RXRA: variants seen among roughly 807,000 people sequenced by gnomAD.
RXRA encodes retinoid X receptor alpha, also known as retinoic acid receptor RXR-alpha.
In RXRA, 5 loss-of-function variants were observed where a neutral mutation model predicts 44.5. That is an observed-to-expected ratio of 0.11 (90% CI 0.06 to 0.24). The LOEUF is 0.24. Ranked by LOEUF, RXRA falls within the 10% of genes least tolerant of loss-of-function variation. The pLI is 1.00. For missense variants in RXRA, 412 were observed against 646.5 expected (o/e 0.64, Z 3.93); for synonymous variants, 291 against 271.4 (o/e 1.07, Z -0.71).
At chr9:134,412,119 C>T (rs1028671733) in intron 4 of RXRA, among the ~76,000 whole-genome samples, 27 of 152,210 alleles carry the variant, frequency 1.8e-4, no homozygotes, top group African/African-American at 6.0e-4. Flanking sequence ...TCCCCGACAG[C>T]GGAGGGCAGG....
chr9:134,397,966 G>A (rs910188325), intron 1 of RXRA, among the ~76,000 whole-genome samples: 9 of 152,264 alleles, frequency 5.9e-5, no homozygotes, highest in South Asian at 2.1e-4. Context: ...CAAGTCCAAA[G>A]TAGGATTTTT....
chr9:134,341,725 T>C (rs1342061652), intron 1 of RXRA, among the ~76,000 whole-genome samples: 1 of 151,996 alleles, frequency 6.6e-6, no homozygotes, highest in Non-Finnish European at 1.5e-5. Context: ...CCGCCCTCCA[T>C]GGGGAGCACC....
intron 6 of RXRA, among the ~76,000 whole-genome samples, chr9:134,428,000 C>T (rs758327353): frequency 6.6e-6 from 1 of 152,092 alleles, no homozygotes; most frequent in African/African-American, 2.4e-5. Context: ...GCGAGGGTCC[C>T]TGACTGTGTG....
chr9:134,423,127 G>A, intron 6 of RXRA: 2 of 985,468 alleles, frequency 2.0e-6, no homozygotes, highest in Non-Finnish European at 2.4e-6. Flanking sequence ...TGGAAAGGGG[G>A]TGTGAGGGGC....
intron 1 of RXRA, among the ~76,000 whole-genome samples, chr9:134,351,815 C>T (rs1002594464): frequency 2.0e-5 from 3 of 152,204 alleles, no homozygotes; most frequent in Non-Finnish European, 2.9e-5. Flanking sequence ...TGATCAGAGG[C>T]GGGTGTGCGG....
At chr9:134,372,601 G>A (rs988407537) in intron 1 of RXRA, among the ~76,000 whole-genome samples, 47 of 152,188 alleles carry the variant, frequency 3.1e-4, no homozygotes, top group African/African-American at 1.1e-3. Flanking sequence ...CTTATGGGGT[G>A]GGTGTTATTA....
In RXRA at chr9:134,437,742, C is replaced by T. The variant is rs1265052488; in HGVS notation, c.*1128C>T. On this transcript the variant is annotated 3_prime_UTR_variant, in exon 10 of 10. Transcript: ENST00000481739. ...GGTGGGACCCCTGCTCAGGCCTTCTCTCTGGCTGCCAGTTGTGTCTAAAAG... is the reference window on the plus strand; with the variant it reads ...GGTGGGACCCCTGCTCAGGCCTTCTTTCTGGCTGCCAGTTGTGTCTAAAAG... 6.6e-6 allele frequency: 1 copy of T among 152,328 alleles called. No homozygotes were observed. Among genetic ancestry groups the T allele is most frequent in the Non-Finnish European group, 1.5e-5 (1 of 68,132 alleles). The allele number at this position is 152,328 out of a possible 1,614,324, so 9.4% of individuals were successfully genotyped here.
intron 1 of RXRA, among the ~76,000 whole-genome samples, chr9:134,395,667 G>C (rs929567756): frequency 6.6e-6 from 1 of 152,358 alleles, no homozygotes; most frequent in East Asian, 1.9e-4. Flanking sequence ...AGGCCTGGCC[G>C]AGGTGGGGGG....
intron 1 of RXRA, among the ~76,000 whole-genome samples, chr9:134,388,393 A>C (rs1365351066): frequency 6.6e-6 from 1 of 152,028 alleles, no homozygotes; most frequent in Non-Finnish European, 1.5e-5. Context: ...AAGCGCACTT[A>C]CTGTCTCTTC....
intron 1 of RXRA, among the ~76,000 whole-genome samples, chr9:134,370,565 T>A (rs1830479087): frequency 6.6e-6 from 1 of 152,234 alleles, no homozygotes; most frequent in Admixed American, 6.5e-5. Flanking sequence ...ATTCTGTAGC[T>A]CTGTTGGGGC....
At chr9:134,385,230 G>C (rs1001779546) in intron 1 of RXRA, among the ~76,000 whole-genome samples, 1 of 152,172 alleles carries the variant, frequency 6.6e-6, no homozygotes, top group Non-Finnish European at 1.5e-5. Flanking sequence ...AAAGCTGCAC[G>C]TCCACACCCC....
At chr9:134,373,058 G>C (rs1830509392) in intron 1 of RXRA, among the ~76,000 whole-genome samples, 1 of 152,206 alleles carries the variant, frequency 6.6e-6, no homozygotes, top group African/African-American at 2.4e-5. Context: ...CAGCAGGGGA[G>C]GGGCCCTGGA....
At chr9:134,400,373 A>G (rs951023765) in intron 1 of RXRA, among the ~76,000 whole-genome samples, 2 of 152,074 alleles carry the variant, frequency 1.3e-5, no homozygotes, top group Non-Finnish European at 1.5e-5. Flanking sequence ...TAGCCACTCT[A>G]TGTGTTCATG....
chr9:134,434,219 C>T lies in RXRA; in HGVS notation c.1241+12C>T, dbSNP rs1410937024. The T allele has an allele frequency of 6.9e-6, 11 of 1,594,050 alleles. No homozygotes were observed. The highest frequency in any genetic ancestry group is 8.6e-6 in the Non-Finnish European group (10 of 1,162,462). The stretch of plus-strand genomic sequence containing the variant: ...GAGCAGCCGGGAAGGTGGGTCCCGC[C>T]CCGTCCCACACACACCCCAGACCCA... On this transcript the variant is annotated intron_variant, in intron 9 of 9. Coordinates refer to ENST00000481739, the MANE Select transcript of RXRA (RefSeq NM_002957.6).
chr9:134,375,862 A>C (rs1372593254), intron 1 of RXRA, among the ~76,000 whole-genome samples: 1 of 151,884 alleles, frequency 6.6e-6, no homozygotes, highest in East Asian at 1.9e-4. Flanking sequence ...CACTCCCCCA[A>C]ACAAACAACA....
rs187902593 is a variant in RXRA, at chr9:134,432,078, T to C, written c.1135+82T>C. 160 of 1,100,342 alleles carry C rather than the reference T, an allele frequency of 1.5e-4. 2 individuals are homozygous for C. In the Admixed American group the frequency reaches 3.0e-3, roughly 21 times the overall value. The allele number at this position is 1,100,342 out of a possible 1,614,324, so 68.2% of individuals were successfully genotyped here. On this transcript the variant is annotated intron_variant, in intron 8 of 9. Coordinates refer to ENST00000481739, the MANE Select transcript of RXRA (RefSeq NM_002957.6). ...CTGGGCCTCCTCCTGGCTGTACTTCTTGCCTCTGGCTACATGTGGGGCCAA... is the reference window on the plus strand; with the variant it reads ...CTGGGCCTCCTCCTGGCTGTACTTCCTGCCTCTGGCTACATGTGGGGCCAA...
At position 134,433,753 on chromosome 9, in the gene RXRA, C is replaced by T. The variant is rs1831570164; in HGVS notation, c.1136-349C>T. Among the ~76,000 whole-genome samples, 4 of 152,116 alleles carry T rather than the reference C, an allele frequency of 2.6e-5. No homozygotes were observed. The South Asian group carries it at 8.3e-4, about 31-fold the overall frequency. On this transcript the variant is annotated intron_variant, in intron 8 of 9. Transcript: ENST00000481739. This position sits in a 1 kb window ranked among gnomAD's most constrained non-coding sequence, Gnocchi z 4.2. ...AGGGCAGCAGCAGCATCCATTGTCT[C>T]TCCCAGTTCCCAAGGCGGCTGGAAG...
At chr9:134,326,683 G>T in intron 1 of RXRA, 24 bp downstream of exon 1, 1 of 877,318 alleles carries the variant, frequency 1.1e-6, no homozygotes, top group Non-Finnish European at 1.4e-6. Context: ...GGGCCGGGCG[G>T]GGACGGGGCC....
Position 134,366,983 on chromosome 9 carries a change from C to T in RXRA, c.29-34649C>T, listed in dbSNP as rs1830422205. 6.6e-6 allele frequency among the ~76,000 whole-genome samples: 1 copy of T among 152,186 alleles called. No individual in the cohort carries two copies. The highest frequency in any genetic ancestry group is 1.5e-5 in the Non-Finnish European group (1 of 68,038). ...ATCCCCACCCCTGCCCTGCGTGCCA[C>T]TCTCAGCCTTTGCCCAGCACCAGGC... On this transcript the variant is annotated intron_variant, in intron 1 of 9. Coordinates refer to ENST00000481739, the MANE Select transcript of RXRA (RefSeq NM_002957.6). This position sits in a 1 kb window ranked among gnomAD's most constrained non-coding sequence, Gnocchi z 5.9.
Sources: allele counts gnomAD v4.1 joint callset (sites outside exome capture counted in the v4.1 genomes callset), GRCh38; gene constraint gnomAD v4.1.1; non-coding constraint Gnocchi (gnomAD v3.1); transcripts MANE v1.5; gene names NCBI Gene and HGNC (gene_info 2026-07-23, HGNC 2026-07-21).